Variants in MAMLD1 observed in about 807,000 individuals in gnomAD.
MAMLD1 encodes the protein mastermind like domain containing 1.
Under a neutral mutation model 45.0 loss-of-function variants are expected in MAMLD1, and 14 were observed. The ratio of observed to expected loss-of-function variants is 0.31; its 90% CI spans 0.21 to 0.49. The LOEUF (loss-of-function observed/expected upper bound fraction) is 0.49. Ranked by LOEUF, MAMLD1 falls within the 20% of genes least tolerant of loss-of-function variation. The pLI is 0.99. For synonymous variants in MAMLD1, 254 were observed against 247.8 expected, an observed-to-expected ratio of 1.02 and a Z score of -0.24; for missense variants, 543 against 603.6, an observed-to-expected ratio of 0.90 and a Z score of 1.05.
At chrX:150,510,681 A>G (rs1205356939) in intron 7 of MAMLD1, among the ~76,000 whole-genome samples, 1 of 112,239 alleles carries the variant, frequency 8.9e-6, no homozygotes, top group Non-Finnish European at 1.9e-5. Context: ...GAGTTCAGCA[A>G]CCCTTACGCA....
At chrX:150,407,736 T>A (rs1195935090) in intron 1 of MAMLD1, among the ~76,000 whole-genome samples, 2 of 112,408 alleles carry the variant, frequency 1.8e-5, no homozygotes, top group Non-Finnish European at 3.7e-5. Context: ...TGTTTGAACA[T>A]CAGTTTTCTC....
At position 150,428,735 on chromosome X, in the gene MAMLD1, A is replaced by G. The variant is rs139293491; in HGVS notation, c.-63-16719A>G. 4.0e-3 allele frequency among the ~76,000 whole-genome samples: 451 copies of G among 111,994 alleles called. 2 individuals carry two copies. The highest frequency in any genetic ancestry group is 7.1e-3 in the Non-Finnish European group (380 of 53,158). On this transcript the variant is annotated intron_variant, in intron 1 of 7. Transcript: ENST00000370401. ...TACCTTTCAACTTGGACCAAAGTCA[A>G]TGTACAGGCAGTGATCCCTCTCCAG...
At position 150,512,341 on chromosome X, in the gene MAMLD1, C is replaced by T. The variant is rs2037925212; in HGVS notation, c.*382C>T. 2.7e-6 allele frequency: 3 copies of T among 1,131,775 alleles called. No homozygotes were observed. The highest frequency in any genetic ancestry group is 1.8e-5 in the African/African-American group (1 of 55,519). The allele number at this position is 1,131,775 out of a possible 1,213,427, so 93.3% of individuals were successfully genotyped here. A position where few individuals can be genotyped will look rare whatever the true frequency, so the allele number is the denominator to read the frequency against. Reference sequence around the variant, plus strand: ...CTGGGTTCTGTCCCAGCTCCCTGGGCACCCAGTCCTTGAGTCCCCACCAGC... The same window carrying T: ...CTGGGTTCTGTCCCAGCTCCCTGGGTACCCAGTCCTTGAGTCCCCACCAGC... On this transcript the variant is annotated 3_prime_UTR_variant, in exon 8 of 8. Transcript: ENST00000370401.
chrX:150,398,325 A>AAGAGGAAGAG (rs2033574502), intron 1 of MAMLD1, among the ~76,000 whole-genome samples: 1 of 82,598 alleles, frequency 1.2e-5, no homozygotes, highest in African/African-American at 4.7e-5. Context: ...AAGAAGAAGA[A>AAGAGGAAGAG]GAAGAAGAAG....
Position 150,448,270 on chromosome X carries a change from C to T in MAMLD1, c.96+2658C>T, listed in dbSNP as rs1222121839. Among the ~76,000 whole-genome samples, 29 of 111,832 alleles carry T rather than the reference C, an allele frequency of 2.6e-4. 1 individual carries two copies. The Admixed American group carries it at 2.7e-3, about 11-fold the overall frequency. On this transcript the variant is annotated intron_variant, in intron 2 of 7. Coordinates refer to ENST00000370401, the MANE Select transcript of MAMLD1 (RefSeq NM_005491.5). ...CCTTTAATTCAGCATTGACTAGGTG[C>T]TAGGCACTTTACTAAGCATTTTTGG...
chrX:150,405,375 C>T (rs2033969068), intron 1 of MAMLD1, among the ~76,000 whole-genome samples: 1 of 111,231 alleles, frequency 9.0e-6, no homozygotes, highest in African/African-American at 3.3e-5. Flanking sequence ...AGGAGTCAAA[C>T]TAGGTCCTTT....
intron 6 of MAMLD1, among the ~76,000 whole-genome samples, chrX:150,507,753 G>T (rs2037774756): frequency 8.9e-6 from 1 of 112,378 alleles, no homozygotes; most frequent in African/African-American, 3.2e-5. Flanking sequence ...CCCTGCCCCG[G>T]CGTGGCCTTT....
intron 5 of MAMLD1, among the ~76,000 whole-genome samples, chrX:150,498,153 A>T (rs1333916141): frequency 9.0e-6 from 1 of 111,439 alleles, no homozygotes; most frequent in Non-Finnish European, 1.9e-5. Flanking sequence ...CATGTTGGCC[A>T]GACCACACCT....
chrX:150,507,823 T>C (rs1015272142), intron 6 of MAMLD1, among the ~76,000 whole-genome samples: 4 of 112,181 alleles, frequency 3.6e-5, no homozygotes, highest in Non-Finnish European at 7.5e-5. Context: ...CTTCGGACTT[T>C]ACCGCACTTC....
intron 5 of MAMLD1, among the ~76,000 whole-genome samples, chrX:150,487,253 T>C (rs1333219855): frequency 1.8e-5 from 2 of 112,149 alleles, no homozygotes; most frequent in Non-Finnish European, 3.8e-5. Context: ...TGATGGATTG[T>C]TTTATAAATG....
Position 150,435,417 on chromosome X carries a change from AG to A in MAMLD1, c.-63-10035del, listed in dbSNP as rs2035090955. Among the ~76,000 whole-genome samples, 4 of 111,673 alleles carry A rather than the reference AG, an allele frequency of 3.6e-5. No individual in the cohort carries two copies. The South Asian group carries it at 1.5e-3, about 42-fold the overall frequency. On this transcript the variant is annotated intron_variant, in intron 1 of 7. Transcript: ENST00000370401. ...GTAATCCCAGCTACTCGGGAGGCTG[AG>A]GCAAAGAATTGCTTGAACCTGGGAG...
chrX:150,385,502 T>C (rs1222412550), intron 1 of MAMLD1, among the ~76,000 whole-genome samples: 2 of 112,227 alleles, frequency 1.8e-5, no homozygotes, highest in Admixed American at 1.9e-4. Flanking sequence ...TTCTTACAAT[T>C]AAGTAAGTTA....
chrX:150,483,483 C>G (rs1180276763), intron 5 of MAMLD1, among the ~76,000 whole-genome samples: 1 of 112,710 alleles, frequency 8.9e-6, no homozygotes, highest in Non-Finnish European at 1.9e-5. Context: ...GTTTTGGAAA[C>G]TGTTTTGAGC....
chrX:150,495,141 G>T (rs1557408201), intron 5 of MAMLD1, among the ~76,000 whole-genome samples: 1 of 111,831 alleles, frequency 8.9e-6, no homozygotes, highest in Non-Finnish European at 1.9e-5. Flanking sequence ...AGGAGGTGAA[G>T]GTTGTGGTGA....
chrX:150,361,849 C>T (rs2031006368), upstream of MAMLD1: 1 of 112,768 alleles, frequency 8.9e-6, no homozygotes, highest in African/African-American at 3.2e-5. Flanking sequence ...TCCCAAGGAA[C>T]CTATGTTCCT....
At chrX:150,395,939 A>T (rs935548336) in intron 1 of MAMLD1, among the ~76,000 whole-genome samples, 11 of 106,374 alleles carry the variant, frequency 1.0e-4, no homozygotes, top group Non-Finnish European at 1.9e-4. Context: ...TCTAATTTGT[A>T]TTATATATTT....
At chrX:150,403,947 A>AGAAAGAAG in intron 1 of MAMLD1, among the ~76,000 whole-genome samples, 1 of 66,715 alleles carries the variant, frequency 1.5e-5, no homozygotes, top group South Asian at 6.5e-4. Context: ...AAGAAAAGAA[A>AGAAAGAAG]GAAAGAAAGA....
Position 150,478,337 on chromosome X carries a change from G to A in MAMLD1, c.2040+4535G>A, listed in dbSNP as rs192984172. Among the ~76,000 whole-genome samples, 118 of 111,845 alleles carry A rather than the reference G, an allele frequency of 1.1e-3. 2 individuals carry two copies. Among genetic ancestry groups the A allele is most frequent in the Admixed American group, 9.9e-3 (104 of 10,538 alleles). On this transcript the variant is annotated intron_variant, in intron 5 of 7. Coordinates refer to ENST00000370401, the MANE Select transcript of MAMLD1 (RefSeq NM_005491.5). ...AATCACTCATTAACATTTTCAAAAA[G>A]TAATTATTATATTACTAAAATACAT... is the stretch of plus-strand genomic sequence containing the variant.
chrX:150,370,688 C>G (rs1204676544), intron 1 of MAMLD1, among the ~76,000 whole-genome samples: 1 of 111,828 alleles, frequency 8.9e-6, no homozygotes, highest in East Asian at 2.8e-4. Context: ...TTCCCTGCCT[C>G]CACCCCCCCA....
Sources: gnomAD v4.1 joint callset for allele counts (sites outside exome capture counted in the v4.1 genomes callset) on GRCh38, gnomAD v4.1.1 for gene constraint, MANE v1.5 for transcripts, NCBI Gene and HGNC (gene_info 2026-07-23, HGNC 2026-07-21) for gene names.